ARHGEF7: variants seen among roughly 807,000 people sequenced by gnomAD.
ARHGEF7 encodes the protein PAK-interacting exchange factor beta.
A neutral mutation model predicts 109.8 loss-of-function variants in ARHGEF7; 33 were observed. The ratio of observed to expected loss-of-function variants is 0.30; its 90% confidence interval spans 0.23 to 0.40. The LOEUF (loss-of-function observed/expected upper bound fraction) is 0.40. Among genes scored for constraint, ARHGEF7 ranks in the 10% least tolerant of loss-of-function variants. ARHGEF7 has a pLI of 1.00. For missense variants in ARHGEF7, 938 were observed against 1,098.5 expected, an observed-to-expected ratio of 0.85 and a Z score of 2.07; for synonymous variants, 458 against 424.6, an observed-to-expected ratio of 1.08 and a Z score of -0.97.
intron 2 of ARHGEF7, among the ~76,000 whole-genome samples, chr13:111,183,884 G>A (rs1186399105): frequency 6.6e-6 from 1 of 152,146 alleles, no homozygotes; most frequent in Non-Finnish European, 1.5e-5. Context: ...AGCTCTGTAA[G>A]TCTCCACCAG....
chr13:111,205,992 A>G (rs564771885), intron 3 of ARHGEF7, among the ~76,000 whole-genome samples: 5 of 152,284 alleles, frequency 3.3e-5, no homozygotes, highest in African/African-American at 1.2e-4. Context: ...CATGATGCCA[A>G]GGTCCCCGGA....
At chr13:111,164,563 AT>A (rs985101460) in intron 2 of ARHGEF7, among the ~76,000 whole-genome samples, 11 of 152,336 alleles carry the variant, frequency 7.2e-5, no homozygotes, top group African/African-American at 2.6e-4. Context: ...GGAGCTTTGC[AT>A]TTCCAATTCG....
intron 19 of ARHGEF7, among the ~76,000 whole-genome samples, chr13:111,298,310 A>G (rs1283206364): frequency 1.3e-5 from 2 of 152,204 alleles, no homozygotes; most frequent in Non-Finnish European, 2.9e-5. Flanking sequence ...TTGTATGAGA[A>G]ACACTGGCAG....
chr13:111,221,504 T>TAG (rs2084249134), intron 5 of ARHGEF7, among the ~76,000 whole-genome samples: 1 of 62,548 alleles, frequency 1.6e-5, no homozygotes, highest in Non-Finnish European at 3.3e-5. Flanking sequence ...TATATATATC[T>TAG]ATATATATAG....
At chr13:111,170,235 T>C (rs1204277588) in intron 2 of ARHGEF7, among the ~76,000 whole-genome samples, 1 of 115,466 alleles carries the variant, frequency 8.7e-6, no homozygotes, top group East Asian at 2.2e-4. Flanking sequence ...GTAGCTGAGA[T>C]TACAGGCATG....
chr13:111,300,083 T>C (rs1302825085), intron 19 of ARHGEF7, among the ~76,000 whole-genome samples: 1 of 152,238 alleles, frequency 6.6e-6, no homozygotes, highest in Non-Finnish European at 1.5e-5. Context: ...TTTCCTAATT[T>C]CTAAAGTACA....
rs957038051 is a variant in ARHGEF7 at position 111,305,482 on chromosome 13, G to A, written c.*2369G>A. ...TGTTGGAATGTAGCATCAGAAGCTCGTTCCTTCACACTCAGTGGCGTCTGT... is the reference window on the plus strand; with the variant it reads ...TGTTGGAATGTAGCATCAGAAGCTCATTCCTTCACACTCAGTGGCGTCTGT... On this transcript the variant is annotated 3_prime_UTR_variant, in exon 22 of 22. Coordinates refer to ENST00000646102, the MANE Select transcript of ARHGEF7 (RefSeq NM_001354046.2). The A allele has an allele frequency of 2.0e-5, 3 of 152,214 alleles. No homozygotes were observed. Among genetic ancestry groups the A allele is most frequent in the African/African-American group, 7.2e-5 (3 of 41,446 alleles). The allele number at this position is 152,214 out of a possible 1,614,324, so 9.4% of individuals were successfully genotyped here.
At chr13:111,236,966 T>TA (rs1387135002) in intron 6 of ARHGEF7, among the ~76,000 whole-genome samples, 7 of 152,096 alleles carry the variant, frequency 4.6e-5, no homozygotes, top group Admixed American at 2.6e-4. Context: ...ATTGTGTCCC[T>TA]AAAAAACCAA....
At chr13:111,158,779 ATTATG>A (rs1175491826) in intron 2 of ARHGEF7, among the ~76,000 whole-genome samples, 1 of 152,222 alleles carries the variant, frequency 6.6e-6, no homozygotes, top group African/African-American at 2.4e-5. Flanking sequence ...GAGTAACATC[ATTATG>A]TTATGGTATA....
chr13:111,207,205 G>T lies in ARHGEF7; in HGVS notation c.337+1832G>T, dbSNP rs187245801. Among the ~76,000 whole-genome samples the T allele has an allele frequency of 1.2e-3, 190 of 152,248 alleles. 1 individual carries two copies. Among genetic ancestry groups the T allele is most frequent in the Non-Finnish European group, 6.6e-4 (45 of 68,026 alleles). ...TTTTATGGAGGCAGGGTCTTGCTCTGTCGTCCACGCTGGAACACAGTGGTG... is the reference window on the plus strand; with the variant it reads ...TTTTATGGAGGCAGGGTCTTGCTCTTTCGTCCACGCTGGAACACAGTGGTG... On this transcript the variant is annotated intron_variant, in intron 3 of 21. Transcript: ENST00000646102.
rs577142734 is a variant in ARHGEF7, at chr13:111,233,213, G to T, written c.679G>T (p.Val227Leu). ...VREVKASEKP[V>L]SPKSGTLKSP... Reference sequence around the variant, plus strand: ...TTACATTTTCATTTCAGAGAAGCCTGTGTCTCCCAAATCAGGAACACTGAA... The same window carrying T: ...TTACATTTTCATTTCAGAGAAGCCTTTGTCTCCCAAATCAGGAACACTGAA... Residue 227 changes from valine (V) to leucine (L), a missense_variant, in exon 6 of 22, where the codon GTG becomes TTG. Val to Leu is a conservative substitution (Grantham distance 32). Transcript: ENST00000646102. 1 of 1,613,674 alleles carries T rather than the reference G, an allele frequency of 6.2e-7. No individual in the cohort carries two copies. The highest frequency in any genetic ancestry group is 1.7e-5 in the Admixed American group (1 of 60,018).
At chr13:111,147,721 G>T (rs1443112966) in intron 1 of ARHGEF7, among the ~76,000 whole-genome samples, 2 of 124,610 alleles carry the variant, frequency 1.6e-5, no homozygotes, top group Non-Finnish European at 3.2e-5. Flanking sequence ...TTTTTGAGAC[G>T]GAGTCTCGCT....
chr13:111,193,464 T>C lies in ARHGEF7; in HGVS notation c.253-11825T>C, dbSNP rs904385235. On this transcript the variant is annotated intron_variant, in intron 2 of 21. Coordinates refer to ENST00000646102, the MANE Select transcript of ARHGEF7 (RefSeq NM_001354046.2). Reference sequence around the variant, plus strand: ...CTGCCACCTCCTTGGGTTTTTGCACTGCGTGCAATGACTCCATAATTTCCT... The same window carrying C: ...CTGCCACCTCCTTGGGTTTTTGCACCGCGTGCAATGACTCCATAATTTCCT... Among the ~76,000 whole-genome samples, 16 of 152,396 alleles carry C rather than the reference T, an allele frequency of 1.0e-4. 1 individual carries two copies. The South Asian group carries it at 1.4e-3, about 14-fold the overall frequency.
rs1227401402 is a variant in ARHGEF7 at position 111,131,439 on chromosome 13, T to C, written c.165+15748T>C. 3.9e-5 allele frequency among the ~76,000 whole-genome samples: 6 copies of C among 152,068 alleles called. No homozygotes were observed. Among genetic ancestry groups the C allele is most frequent in the Admixed American group, 3.3e-4 (5 of 15,256 alleles). ...GGGTGTGTCGTTGGAGGCATCCGCA[T>C]AGAGCTGTTGGAGCTTAGAGGCCCC... On this transcript the variant is annotated intron_variant, in intron 1 of 21. Coordinates refer to ENST00000646102, the MANE Select transcript of ARHGEF7 (RefSeq NM_001354046.2). This position sits in a 1 kb window ranked among gnomAD's most constrained non-coding sequence, Gnocchi z 4.4.
intron 21 of ARHGEF7, among the ~76,000 whole-genome samples, chr13:111,302,082 C>T (rs866744706): frequency 2.0e-5 from 3 of 152,008 alleles, no homozygotes; most frequent in African/African-American, 7.3e-5. Context: ...TTTAAAATAT[C>T]GAAAGTTCTG....
chr13:111,205,371 C>A lies in ARHGEF7; in HGVS notation c.335C>A (p.Ala112Glu), dbSNP rs1188049971. 1 of 1,591,390 alleles carries A rather than the reference C, an allele frequency of 6.3e-7. No individual in the cohort carries two copies. Among genetic ancestry groups the A allele is most frequent in the Non-Finnish European group, 8.5e-7 (1 of 1,172,674 alleles). The change falls in exon 3 of 22, where the codon GCA becomes GAA. Residue 112 changes from alanine to glutamate, a missense_variant and splice_region_variant. This residue lies in a region of ARHGEF7 where 585 missense variants were observed against 723.6 expected (regional missense o/e 0.81). Coordinates refer to ENST00000646102, the MANE Select transcript of ARHGEF7 (RefSeq NM_001354046.2). ...TTAGTGACTCTAAATAAAGTAACAGCAGGTAAGACTCTTTTTTATTGAACT... is the reference window on the plus strand; with the variant it reads ...TTAGTGACTCTAAATAAAGTAACAGAAGGTAAGACTCTTTTTTATTGAACT... The part of the protein sequence containing the change: ...SSLVTLNKVT[A>E]DIGLGSDSVC...
chr13:111,280,385 G>A (rs995800642), intron 14 of ARHGEF7, 35 bp downstream of exon 14: 11 of 1,596,384 alleles, frequency 6.9e-6, no homozygotes, highest in Non-Finnish European at 8.6e-6. Context: ...GCTGTGTCTC[G>A]GGGAGGAGAG....
At chr13:111,164,385 A>G (rs1451293570) in intron 2 of ARHGEF7, among the ~76,000 whole-genome samples, 3 of 152,190 alleles carry the variant, frequency 2.0e-5, no homozygotes, top group African/African-American at 7.2e-5. Flanking sequence ...CATCAAGGCA[A>G]TACTCTTAGG....
intron 1 of ARHGEF7, among the ~76,000 whole-genome samples, chr13:111,153,199 A>G (rs544987088): frequency 3.9e-5 from 6 of 152,382 alleles, no homozygotes; most frequent in African/African-American, 1.4e-4. Context: ...AAGGGAAAAA[A>G]TCCCAGGTTC....
Sources: gnomAD v4.1 joint callset for allele counts (sites outside exome capture counted in the v4.1 genomes callset) on GRCh38, gnomAD v4.1.1 for gene constraint, gnomAD v4.1.1 regional missense constraint, Gnocchi (gnomAD v3.1) non-coding constraint, MANE v1.5 for transcripts, NCBI Gene and HGNC (gene_info 2026-07-23, HGNC 2026-07-21) for gene names.